The following PVT1 variants were observed in gnomAD, a reference collection of about 807,000 sequenced individuals.
PVT1 encodes CXCR4/PVT1 fusion.
chr8:128,099,927 G>A (rs970459106), intron 6 of PVT1: 2 of 151,960 alleles, frequency 1.3e-5, no homozygotes, highest in African/African-American at 4.8e-5. Flanking sequence ...AGCATCTTCA[G>A]TTACGTTATA....
chr8:127,944,739 ACAGT>A (rs1273538729), intron 3 of PVT1, among the ~76,000 whole-genome samples: 9 of 152,154 alleles, frequency 5.9e-5, no homozygotes, highest in Non-Finnish European at 1.3e-4. Flanking sequence ...CTCACTGGTA[ACAGT>A]CAGCCCGGCC....
chr8:127,878,182 G>GAA (rs111383512), intron 2 of PVT1, among the ~76,000 whole-genome samples: 1 of 147,028 alleles, frequency 6.8e-6, no homozygotes, highest in African/African-American at 2.5e-5. Flanking sequence ...AAAGGAAATT[G>GAA]AAAAAAAAAA....
intron 2 of PVT1, among the ~76,000 whole-genome samples, chr8:127,874,170 A>C (rs73355296): frequency 6.6e-6 from 1 of 152,150 alleles, no homozygotes. Context: ...GCAGTGCTAG[A>C]GTGAATGACA....
At position 127,831,064 on chromosome 8, in the gene PVT1, GTATA is replaced by G. The variant is rs56709045; in HGVS notation, n.372+35002_372+35005del. On this transcript the variant is annotated intron_variant and non_coding_transcript_variant, in intron 2 of 10. Transcript: ENST00000651587. ...CATACGTGTGTGTGTGTGTGTGTGT[GTATA>G]TATATATAGATAAAACTCCTCTTTA... is the stretch of plus-strand genomic sequence containing the variant. Among the ~76,000 whole-genome samples, 1,100 of 146,606 alleles carry G rather than the reference GTATA, an allele frequency of 7.5e-3. 25 individuals carry two copies. The highest frequency in any genetic ancestry group is 0.038 in the Admixed American group (562 of 14,878).
At chr8:128,100,138 C>A (rs1218587110) in intron 6 of PVT1, among the ~76,000 whole-genome samples, 1 of 143,676 alleles carries the variant, frequency 7.0e-6, no homozygotes, top group Non-Finnish European at 1.5e-5. Context: ...TCCCTCCCTC[C>A]CTTCCTTCCT....
At chr8:127,954,475 A>G (rs1344722299) in intron 3 of PVT1, among the ~76,000 whole-genome samples, 1 of 151,882 alleles carries the variant, frequency 6.6e-6, no homozygotes, top group East Asian at 1.9e-4. Flanking sequence ...TTGTATTTTT[A>G]GTAGAGATGG....
intron 3 of PVT1, among the ~76,000 whole-genome samples, chr8:127,980,575 T>G (rs1816871814): frequency 6.6e-6 from 1 of 152,144 alleles, no homozygotes; most frequent in Non-Finnish European, 1.5e-5. Flanking sequence ...GCAGCCCACC[T>G]CTGGGCGCAC....
chr8:127,928,588 A>T (rs375627204), intron 3 of PVT1, among the ~76,000 whole-genome samples: 9 of 152,328 alleles, frequency 5.9e-5, no homozygotes, highest in African/African-American at 2.2e-4. Context: ...ATCATGGCAG[A>T]GGAGTTTACT....
chr8:127,822,534 G>A (rs945607278), intron 2 of PVT1, among the ~76,000 whole-genome samples: 2 of 152,084 alleles, frequency 1.3e-5, no homozygotes, highest in African/African-American at 4.8e-5. Flanking sequence ...CTGAGATCAC[G>A]CTACTGCACT....
chr8:127,971,873 T>C (rs1301704929), intron 3 of PVT1, among the ~76,000 whole-genome samples: 1 of 151,916 alleles, frequency 6.6e-6, no homozygotes, highest in African/African-American at 2.4e-5. Context: ...TCTTTAGAAA[T>C]GGAGAAAGGA....
chr8:128,052,643 T>C (rs1243471751), intron 4 of PVT1, among the ~76,000 whole-genome samples: 4 of 152,254 alleles, frequency 2.6e-5, no homozygotes, highest in African/African-American at 7.2e-5. Flanking sequence ...CATTTAGTTT[T>C]GTTTATTTCA....
intron 4 of PVT1, among the ~76,000 whole-genome samples, chr8:127,991,564 T>C (rs1586471019): frequency 6.6e-6 from 1 of 152,050 alleles, no homozygotes; most frequent in African/African-American, 2.4e-5. Flanking sequence ...TATTCTCATA[T>C]TGGGGAAAAG....
chr8:128,088,298 G>A (rs1221312982), intron 5 of PVT1, among the ~76,000 whole-genome samples: 1 of 152,188 alleles, frequency 6.6e-6, no homozygotes, highest in African/African-American at 2.4e-5. Flanking sequence ...CAGGGGCCAA[G>A]GTTAATTCAC....
chr8:127,885,178 A>G (rs554075096), intron 2 of PVT1, among the ~76,000 whole-genome samples: 29 of 152,078 alleles, frequency 1.9e-4, no homozygotes, highest in African/African-American at 6.7e-4. Context: ...GGTCACTTGT[A>G]GGAGCCGAGG....
At chr8:127,949,847 G>A (rs991398840) in intron 3 of PVT1, among the ~76,000 whole-genome samples, 17 of 152,338 alleles carry the variant, frequency 1.1e-4, no homozygotes, top group African/African-American at 3.8e-4. Context: ...CGGTAAAAAC[G>A]CATCACCCTG....
chr8:127,824,973 A>G (rs1367386137), intron 2 of PVT1, among the ~76,000 whole-genome samples: 1 of 152,110 alleles, frequency 6.6e-6, no homozygotes, highest in East Asian at 1.9e-4. Context: ...TACAAAAATT[A>G]GCTGGGTGTG....
chr8:127,806,127 A>T (rs1005217796), intron 2 of PVT1, among the ~76,000 whole-genome samples: 1 of 152,188 alleles, frequency 6.6e-6, no homozygotes, highest in African/African-American at 2.4e-5. Context: ...ACAGCCTTAT[A>T]GCAAAGTGGG....
chr8:127,951,529 G>C (rs1816505526), intron 3 of PVT1, among the ~76,000 whole-genome samples: 1 of 152,164 alleles, frequency 6.6e-6, no homozygotes, highest in African/African-American at 2.4e-5. Flanking sequence ...CTTGAGATTA[G>C]AGCTGAATGA....
At chr8:128,002,951 C>CTCCT in intron 4 of PVT1, among the ~76,000 whole-genome samples, 1 of 66,480 alleles carries the variant, frequency 1.5e-5, no homozygotes, top group Non-Finnish European at 3.2e-5. Flanking sequence ...CCCTCTCTGC[C>CTCCT]TCCCTCCCTC....
Sources: gnomAD v4.1 joint callset for allele counts (sites outside exome capture counted in the v4.1 genomes callset) on GRCh38, gnomAD v4.1.1 for gene constraint, MANE v1.5 for transcripts, NCBI Gene and HGNC (gene_info 2026-07-23, HGNC 2026-07-21) for gene names.